Variants in LRRC37A2 observed in about 807,000 individuals in gnomAD.
The protein encoded by LRRC37A2 is leucine rich repeat containing 37 member A2, also known as leucine-rich repeat-containing protein 37A2.
Under a neutral mutation model 68.8 loss-of-function variants are expected in LRRC37A2, and 9 were observed. The ratio of observed to expected loss-of-function variants is 0.13; its 90% CI spans 0.08 to 0.23. The LOEUF is 0.23. LRRC37A2 is among the 10% of genes least tolerant of loss of function. The pLI, the probability that LRRC37A2 is intolerant of heterozygous loss-of-function variation, is 1.00. For synonymous variants in LRRC37A2, 63 were observed against 367.6 expected (o/e 0.17, Z 9.48); for missense variants, 168 against 950.4 (o/e 0.18, Z 10.82).
chr17:46,822,383 C>G, the LRRC37A2 span, among the ~76,000 whole-genome samples: 2 of 152,206 alleles, frequency 1.3e-5, no homozygotes, highest in African/African-American at 4.8e-5. Flanking sequence ...CCTGGAAATG[C>G]AGGAAGCCCC....
the LRRC37A2 span, among the ~76,000 whole-genome samples, chr17:46,494,707 G>A: frequency 0.48 from 70,433 of 145,276 alleles, 17,083 homozygotes; most frequent in South Asian, 0.68. Context: ...CCTTAAGGTA[G>A]AGTGTACATA....
chr17:46,502,421 C>A, the LRRC37A2 span, among the ~76,000 whole-genome samples: 1 of 151,034 alleles, frequency 6.6e-6, no homozygotes, highest in Non-Finnish European at 1.5e-5. Context: ...CCTGTCTCAG[C>A]CTCCCAAGTA....
At chr17:46,966,827 AG>A in the LRRC37A2 span, 1 of 428,100 alleles carries the variant, frequency 2.3e-6, no homozygotes, top group Admixed American at 4.3e-5. Context: ...AATTATGAAA[AG>A]TGCTTCACAC....
chr17:46,968,020 T>G, the LRRC37A2 span, among the ~76,000 whole-genome samples: 2 of 152,078 alleles, frequency 1.3e-5, no homozygotes, highest in Non-Finnish European at 2.9e-5. Context: ...GTGATGCTCT[T>G]ACAGAATCAG....
the LRRC37A2 span, among the ~76,000 whole-genome samples, chr17:47,022,185 TCCAGAGACAGG>T: frequency 0.038 from 1,701 of 44,240 alleles, 34 homozygotes; most frequent in East Asian, 0.056. Flanking sequence ...TTTTTTTTTT[TCCAGAGACAGG>T]TTCTTACTTT....
At chr17:46,811,854 G>A in the LRRC37A2 span, among the ~76,000 whole-genome samples, 1 of 152,220 alleles carries the variant, frequency 6.6e-6, no homozygotes, top group Non-Finnish European at 1.5e-5. Flanking sequence ...CTACTCGGGA[G>A]GCTGAGGCAG....
chr17:46,976,039 G>A, the LRRC37A2 span, among the ~76,000 whole-genome samples: 7 of 151,860 alleles, frequency 4.6e-5, no homozygotes, highest in African/African-American at 1.5e-4. Context: ...CCATTCTCCT[G>A]CCTCAGCCTC....
the LRRC37A2 span, among the ~76,000 whole-genome samples, chr17:46,798,903 C>T: frequency 1.2e-3 from 185 of 152,120 alleles, 1 homozygote; most frequent in African/African-American, 4.4e-3. Context: ...CAAAAATTGG[C>T]CAGGCATGGT....
chr17:46,862,292 G>A, the LRRC37A2 span, among the ~76,000 whole-genome samples: 7 of 152,092 alleles, frequency 4.6e-5, no homozygotes, highest in African/African-American at 7.2e-5. Context: ...GTAACGTATC[G>A]TATATTCCAT....
chr17:46,923,454 C>A, the LRRC37A2 span: 1 of 1,402,848 alleles, frequency 7.1e-7, no homozygotes. Flanking sequence ...CTGGGGTCTG[C>A]AAGTTCGTGA....
the LRRC37A2 span, among the ~76,000 whole-genome samples, chr17:46,569,266 C>T: frequency 6.6e-6 from 1 of 150,974 alleles, no homozygotes; most frequent in Admixed American, 6.6e-5. Context: ...TTTGATACAA[C>T]TGGAGAAATT....
At chr17:46,904,090 G>A in the LRRC37A2 span, among the ~76,000 whole-genome samples, 1 of 145,130 alleles carries the variant, frequency 6.9e-6, no homozygotes, top group Non-Finnish European at 1.5e-5. Flanking sequence ...TGAATGTATG[G>A]GTGGCTAGAT....
chr17:46,824,810 C>T, the LRRC37A2 span, among the ~76,000 whole-genome samples: 1 of 152,132 alleles, frequency 6.6e-6, no homozygotes, highest in African/African-American at 2.4e-5. Context: ...TCCTCAGTGC[C>T]CCTATCTTGA....
At chr17:46,880,703 T>A in the LRRC37A2 span, among the ~76,000 whole-genome samples, 4 of 152,222 alleles carry the variant, frequency 2.6e-5, no homozygotes, top group Non-Finnish European at 4.4e-5. Context: ...ACAGATCTCC[T>A]GGCCTCCAAA....
the LRRC37A2 span, among the ~76,000 whole-genome samples, chr17:47,048,396 C>T: frequency 1.3e-5 from 2 of 149,802 alleles, no homozygotes; most frequent in Admixed American, 1.3e-4. Flanking sequence ...GCAAAGTAGG[C>T]ATCTGACAAA....
At chr17:46,768,032 T>C in the LRRC37A2 span, among the ~76,000 whole-genome samples, 1 of 152,036 alleles carries the variant, frequency 6.6e-6, no homozygotes, top group Non-Finnish European at 1.5e-5. The surrounding 1 kb of genome is among the most constrained non-coding windows in gnomAD (Gnocchi z 5.0). Flanking sequence ...AGGTGATCCG[T>C]CCACCTCGGC....
chr17:46,881,190 G>T, the LRRC37A2 span, among the ~76,000 whole-genome samples: 4 of 152,192 alleles, frequency 2.6e-5, no homozygotes. Flanking sequence ...CAGTTCTTCA[G>T]CCCTGCTGGG....
chr17:46,785,698 G>A, the LRRC37A2 span, among the ~76,000 whole-genome samples: 1 of 152,246 alleles, frequency 6.6e-6, no homozygotes, highest in Admixed American at 6.5e-5. Flanking sequence ...ATGGTTCTGG[G>A]CAGCCGTGGG....
the LRRC37A2 span, among the ~76,000 whole-genome samples, chr17:46,960,052 A>AT: frequency 6.6e-6 from 1 of 152,222 alleles, no homozygotes; most frequent in African/African-American, 2.4e-5. Context: ...CTCAGGACTG[A>AT]TTCAGGCTAA....
Sources: allele counts gnomAD v4.1 joint callset (sites outside exome capture counted in the v4.1 genomes callset), GRCh38; gene constraint gnomAD v4.1.1; non-coding constraint Gnocchi (gnomAD v3.1); transcripts MANE v1.5; gene names NCBI Gene and HGNC (gene_info 2026-07-23, HGNC 2026-07-21).